NELL2: variants seen among roughly 807,000 people sequenced by gnomAD.
NELL2 encodes the protein protein kinase C-binding protein NELL2.
Under a neutral mutation model 109.6 loss-of-function variants are expected in NELL2, and 41 were observed. The observed-to-expected ratio is 0.37, with a 90% confidence interval of 0.29 to 0.49. The LOEUF is 0.49. NELL2 is among the 20% of genes least tolerant of loss of function. The pLI is 0.98. For missense variants in NELL2, 900 were observed against 1,008.3 expected, an observed-to-expected ratio of 0.89 and a Z score of 1.45; for synonymous variants, 355 against 344.7, an observed-to-expected ratio of 1.03 and a Z score of -0.33.
At chr12:44,820,890 A>G (rs1311067273) in intron 2 of NELL2, among the ~76,000 whole-genome samples, 1 of 151,720 alleles carries the variant, frequency 6.6e-6, no homozygotes, top group Non-Finnish European at 1.5e-5. Flanking sequence ...AAAGTTGACA[A>G]TATAGGTTTA....
intron 3 of NELL2, among the ~76,000 whole-genome samples, chr12:44,791,050 A>C (rs1942363728): frequency 1.6e-5 from 2 of 126,460 alleles, no homozygotes; most frequent in South Asian, 2.5e-4. Flanking sequence ...GATAGACACC[A>C]AGAAGAAAGT....
chr12:44,628,272 A>C (rs1019194994), intron 13 of NELL2, among the ~76,000 whole-genome samples: 1 of 151,990 alleles, frequency 6.6e-6, no homozygotes, highest in African/African-American at 2.4e-5. Flanking sequence ...AAGTGAAAGT[A>C]ATGATAAATC....
At chr12:44,723,061 C>T (rs111896387) in intron 9 of NELL2, among the ~76,000 whole-genome samples, 7,224 of 151,974 alleles carry the variant, frequency 0.048, 253 homozygotes, top group Non-Finnish European at 0.074. Context: ...TGGTGGTGGG[C>T]GCCTGTAGTC....
Position 44,788,931 on chromosome 12 carries a change from AGC to A in NELL2, c.336-8911_336-8910del, listed in dbSNP as rs1942281300. Among the ~76,000 whole-genome samples, 6 of 152,090 alleles carry A rather than the reference AGC, an allele frequency of 3.9e-5. No individual in the cohort carries two copies. In the South Asian group the frequency reaches 8.3e-4, roughly 21 times the overall value. On this transcript the variant is annotated intron_variant, in intron 3 of 19. Coordinates refer to ENST00000429094, the MANE Select transcript of NELL2 (RefSeq NM_001145108.2). The stretch of plus-strand genomic sequence containing the variant: ...ACAACCTTCATGACTCAGCAGAGGC[AGC>A]CATAATCCTCCTAGGTTCACAACTC...
intron 15 of NELL2, among the ~76,000 whole-genome samples, chr12:44,603,090 A>G (rs1945277266): frequency 6.6e-6 from 1 of 152,178 alleles, no homozygotes; most frequent in South Asian, 2.1e-4. Flanking sequence ...CATATTAAAA[A>G]GCTACAAAAA....
In NELL2 at chr12:44,519,866, C is replaced by T. The variant is rs1183069468; in HGVS notation, c.2400+139G>A. 20 of 734,752 alleles carry T rather than the reference C, an allele frequency of 2.7e-5. No homozygotes were observed. In the South Asian group the frequency reaches 2.9e-4, roughly 11 times the overall value. 45.5% of individuals were successfully genotyped at this position (734,752 alleles called of 1,614,324 possible). Reference sequence around the variant, plus strand: ...AGCCCTGGAACTAACAGCTGAGTGGCATTCCGCCCACCTATGTTTGAAAAA... The same window carrying T: ...AGCCCTGGAACTAACAGCTGAGTGGTATTCCGCCCACCTATGTTTGAAAAA... On this transcript the variant is annotated intron_variant, in intron 19 of 19. Transcript: ENST00000429094.
At chr12:44,533,785 T>C (rs1036824848) in intron 15 of NELL2, among the ~76,000 whole-genome samples, 2 of 152,124 alleles carry the variant, frequency 1.3e-5, no homozygotes, top group African/African-American at 4.8e-5. Context: ...AGCTCCTGGT[T>C]TTCAGGATCT....
At position 44,791,089 on chromosome 12, in the gene NELL2, ATATATATG is replaced by A. The variant is rs1566403557; in HGVS notation, c.336-11075_336-11068del. On this transcript the variant is annotated intron_variant, in intron 3 of 19. Coordinates refer to ENST00000429094, the MANE Select transcript of NELL2 (RefSeq NM_001145108.2). Reference sequence around the variant, plus strand: ...AGTATATATATATATATACATATATATATATATGTATATATATATGTATATATATATGT... The same window carrying A: ...AGTATATATATATATATACATATATATATATATATATGTATATATATATGT... Among the ~76,000 whole-genome samples the A allele has an allele frequency of 5.0e-4, 6 of 12,118 alleles. 1 individual carries two copies. The highest frequency in any genetic ancestry group is 7.6e-3 in the East Asian group (1 of 132). 7.9% of individuals were successfully genotyped at this position (12,118 alleles called of 152,430 possible).
chr12:44,712,320 A>G (rs542463703), intron 10 of NELL2, among the ~76,000 whole-genome samples: 1 of 152,134 alleles, frequency 6.6e-6, no homozygotes, highest in African/African-American at 2.4e-5. Context: ...CATTTATGTA[A>G]AGGACCTTCT....
intron 1 of NELL2, among the ~76,000 whole-genome samples, chr12:44,889,013 A>T (rs149124058): frequency 8.6e-5 from 13 of 152,042 alleles, no homozygotes; most frequent in Non-Finnish European, 1.5e-4. Context: ...TTGCATAATA[A>T]CTAATGCCTA....
At chr12:44,665,693 A>T in intron 12 of NELL2, 84 bp from the exon 13 acceptor site, 1 of 1,380,538 alleles carries the variant, frequency 7.2e-7, no homozygotes, top group Non-Finnish European at 9.6e-7. Flanking sequence ...GGGAGAGGGA[A>T]GTATTTACTA....
intron 3 of NELL2, among the ~76,000 whole-genome samples, chr12:44,807,983 G>A (rs941505285): frequency 6.6e-6 from 1 of 152,080 alleles, no homozygotes; most frequent in Non-Finnish European, 1.5e-5. Context: ...GTCTTGCAAT[G>A]GCCTAAGATA....
At chr12:44,761,814 T>C (rs1399565164) in intron 9 of NELL2, among the ~76,000 whole-genome samples, 7 of 152,052 alleles carry the variant, frequency 4.6e-5, no homozygotes, top group Non-Finnish European at 1.0e-4. Context: ...CACTTATAAG[T>C]AGGAGCTAAA....
chr12:44,726,621 T>C (rs1413311214), intron 9 of NELL2, among the ~76,000 whole-genome samples: 1 of 152,164 alleles, frequency 6.6e-6, no homozygotes, highest in Non-Finnish European at 1.5e-5. Flanking sequence ...ATACTTAAAC[T>C]TGAATATAAT....
Position 44,704,369 on chromosome 12 carries a change from TTAATC to T in NELL2, c.1190-520_1190-516del, listed in dbSNP as rs199623707. On this transcript the variant is annotated intron_variant, in intron 11 of 19. Transcript: ENST00000429094. Reference sequence around the variant, plus strand: ...TGTTAAAGATGAATATTAAATCACTTTAATCTAATTTTCTCTAGAAATCTGCAAGG... The same window carrying T: ...TGTTAAAGATGAATATTAAATCACTTTAATTTTCTCTAGAAATCTGCAAGG... Among the ~76,000 whole-genome samples, 1,173 of 152,258 alleles carry T rather than the reference TTAATC, an allele frequency of 7.7e-3. 11 individuals carry two copies. The highest frequency in any genetic ancestry group is 0.011 in the Non-Finnish European group (778 of 68,016).
At chr12:44,708,147 C>T (rs1432383155) in intron 11 of NELL2, among the ~76,000 whole-genome samples, 1 of 152,134 alleles carries the variant, frequency 6.6e-6, no homozygotes, top group Admixed American at 6.6e-5. Context: ...CTCACTGAAT[C>T]ACTCAGTCTC....
At position 44,875,325 on chromosome 12, in the gene NELL2, T is replaced by C. The variant is rs184658455; in HGVS notation, c.84A>G (p.Leu28=). The part of the protein sequence containing the change: ...AVWGLGVDPS[L]QIDVLTELEL... ...CTAACTCTGTTAAGACGTCAATCTG[T>C]AGGGAAGGGTCCACACCAAGCCCCC... The change falls in exon 2 of 20, where the codon CTA becomes CTG. Residue 28 remains leucine, a synonymous_variant. Transcript: ENST00000429094. 2.0e-5 allele frequency: 32 copies of C among 1,613,822 alleles called. No homozygotes were observed. The highest frequency in any genetic ancestry group is 4.4e-5 in the South Asian group (4 of 91,030).
At chr12:44,886,801 T>C (rs1945478488) in intron 1 of NELL2, among the ~76,000 whole-genome samples, 1 of 152,012 alleles carries the variant, frequency 6.6e-6, no homozygotes, top group African/African-American at 2.4e-5. Context: ...TCAACTTCTC[T>C]TCATCCTCCC....
At chr12:44,519,115 C>A (rs762556158) in intron 19 of NELL2, among the ~76,000 whole-genome samples, 3 of 152,088 alleles carry the variant, frequency 2.0e-5, no homozygotes, top group Non-Finnish European at 4.4e-5. Context: ...AAAAAAATTA[C>A]AAAATGGAAA....
Sources: allele counts gnomAD v4.1 joint callset (sites outside exome capture counted in the v4.1 genomes callset), GRCh38; gene constraint gnomAD v4.1.1; transcripts MANE v1.5; gene names NCBI Gene and HGNC (gene_info 2026-07-23, HGNC 2026-07-21).